The following CCDC40 variants were observed in gnomAD, a reference collection of about 807,000 sequenced individuals.
The protein encoded by CCDC40 is coiled-coil domain-containing protein 40.
A neutral mutation model predicts 124.5 loss-of-function variants in CCDC40; 104 were observed. The observed-to-expected ratio is 0.84, with a 90% CI of 0.71 to 0.98. CCDC40 has a LOEUF of 0.98. Among genes scored for constraint, CCDC40 ranks in the 50% least tolerant of loss-of-function variants. The pLI, the probability that CCDC40 is intolerant of heterozygous loss-of-function variation, is 0.00. For missense variants in CCDC40, 1,463 were observed against 1,503.9 expected (o/e 0.97, Z 0.45); for synonymous variants, 580 against 602.9 (o/e 0.96, Z 0.56).
chr17:80,067,801 AAGTCCCCTGAC>A (rs2038086593), intron 10 of CCDC40: 1 of 1,453,306 alleles, frequency 6.9e-7, no homozygotes, highest in African/African-American at 1.4e-5. Flanking sequence ...CGGTGTTTCA[AAGTCCCCTGAC>A]AGCTCAGCAT....
chr17:80,088,750 T>C (rs1051091167), intron 16 of CCDC40, among the ~76,000 whole-genome samples: 1 of 152,166 alleles, frequency 6.6e-6, no homozygotes, highest in African/African-American at 2.4e-5. Flanking sequence ...AAGGCTGCAG[T>C]GAGCTAGGAT....
At chr17:80,037,690 G>GGTATATATATATATATATAT (rs2037139617) in intron 1 of CCDC40, among the ~76,000 whole-genome samples, 1 of 92,084 alleles carries the variant, frequency 1.1e-5, no homozygotes. Flanking sequence ...TTTTAAAAAA[G>GGTATATATATATATATATAT]ATATACATAT....
At chr17:80,044,738 T>G (rs1302201154) in intron 3 of CCDC40, among the ~76,000 whole-genome samples, 1 of 139,030 alleles carries the variant, frequency 7.2e-6, no homozygotes, top group Admixed American at 7.0e-5. Flanking sequence ...TATATATATA[T>G]CTCAACAACA....
chr17:80,070,191 A>T (rs1265626795), intron 10 of CCDC40, among the ~76,000 whole-genome samples: 1 of 152,164 alleles, frequency 6.6e-6, no homozygotes, highest in African/African-American at 2.4e-5. Context: ...TAGCCTGGGG[A>T]TCTGGCAGGT....
chr17:80,037,933 C>G (rs929846432), intron 1 of CCDC40, 190 bp from the exon 2 acceptor site: 1 of 550,864 alleles, frequency 1.8e-6, no homozygotes, highest in African/African-American at 1.9e-5. Flanking sequence ...GCTTTTGTGG[C>G]ATCTCCGCCA....
intron 16 of CCDC40, among the ~76,000 whole-genome samples, chr17:80,089,104 G>C (rs1419120099): frequency 1.3e-5 from 2 of 152,210 alleles, no homozygotes; most frequent in Admixed American, 1.3e-4. Context: ...AAACCAATGT[G>C]TAGCTATATT....
At chr17:80,069,174 C>G (rs1032734046) in intron 10 of CCDC40, among the ~76,000 whole-genome samples, 1 of 152,066 alleles carries the variant, frequency 6.6e-6, no homozygotes, top group African/African-American at 2.4e-5. Flanking sequence ...GCCTTTGTGT[C>G]TCTCTTCGTC....
intron 9 of CCDC40, among the ~76,000 whole-genome samples, chr17:80,063,463 T>C (rs1258113681): frequency 6.6e-6 from 1 of 152,164 alleles, no homozygotes; most frequent in Non-Finnish European, 1.5e-5. Flanking sequence ...TCAACCAGGC[T>C]GTGGCCGGCA....
intron 10 of CCDC40, chr17:80,065,958 T>C (rs1167507270): frequency 1.6e-6 from 1 of 622,766 alleles, no homozygotes; most frequent in Non-Finnish European, 2.9e-6. Flanking sequence ...CCATCCCTTC[T>C]CGATTGTTCT....
chr17:80,069,771 GAA>G (rs200167383), intron 10 of CCDC40, among the ~76,000 whole-genome samples: 1 of 146,214 alleles, frequency 6.8e-6, no homozygotes, highest in African/African-American at 2.5e-5. Context: ...GAAAGAAAAA[GAA>G]AAAAAAGAGA....
chr17:80,077,406 C>G lies in CCDC40; in HGVS notation c.1563-4140C>G, dbSNP rs569361069. Among the ~76,000 whole-genome samples the G allele has an allele frequency of 1.1e-4, 16 of 152,186 alleles. No individual in the cohort carries two copies. In the South Asian group the frequency reaches 3.3e-3, roughly 32 times the overall value. On this transcript the variant is annotated intron_variant, in intron 10 of 19. Coordinates refer to ENST00000397545, the MANE Select transcript of CCDC40 (RefSeq NM_017950.4). ...GGTATGGTGGTGCATGCCTGTAATC[C>G]CAGCTACTTGGGTGGCTGAGGCAGG... is the stretch of plus-strand genomic sequence containing the variant.
At chr17:80,048,242 A>G (rs2037481687) in intron 4 of CCDC40, 1 of 348,508 alleles carries the variant, frequency 2.9e-6, no homozygotes, top group African/African-American at 2.1e-5. Flanking sequence ...CCTGGGCAAC[A>G]GAGCAAGACT....
intron 12 of CCDC40, among the ~76,000 whole-genome samples, 195 bp downstream of exon 12, chr17:80,082,253 G>GGTGGCTCATGCTTGTA (rs773010492): frequency 7.8e-6 from 1 of 128,338 alleles, no homozygotes; most frequent in African/African-American, 3.0e-5. Context: ...GGCCAGGCGT[G>GGTGGCTCATGCTTGTA]AGCCACCGCA....
At chr17:80,041,995 GA>G (rs2037294877) in intron 3 of CCDC40, among the ~76,000 whole-genome samples, 1 of 152,128 alleles carries the variant, frequency 6.6e-6, no homozygotes, top group African/African-American at 2.4e-5. Flanking sequence ...TTTAAGATAG[GA>G]AGGCGAATAC....
intron 10 of CCDC40, chr17:80,067,842 G>A (rs1160459359): frequency 7.1e-7 from 1 of 1,405,160 alleles, no homozygotes; most frequent in African/African-American, 1.4e-5. Context: ...CTTCAGGACT[G>A]TGCCAATCCG....
rs558533058 is a variant in CCDC40, at chr17:80,086,736, G to A, written c.2449+520G>A. 6.0e-5 allele frequency: 11 copies of A among 182,708 alleles called. No individual in the cohort carries two copies. The highest frequency in any genetic ancestry group is 1.3e-4 in the Non-Finnish European group (11 of 86,550). The allele number at this position is 182,708 out of a possible 1,614,324, so 11.3% of individuals were successfully genotyped here. A position where few individuals can be genotyped will look rare whatever the true frequency, so the allele number is the denominator to read the frequency against. On this transcript the variant is annotated intron_variant, in intron 14 of 19. Coordinates refer to ENST00000397545, the MANE Select transcript of CCDC40 (RefSeq NM_017950.4). The surrounding 1 kb of genome is among the most constrained non-coding windows in gnomAD (Gnocchi z 5.5). ...CTCCACCCACATGTCCACCTGCCGA[G>A]ACATCCCGGGTCCTGCCCGGTCTTG...
intron 12 of CCDC40, 129 bp from the exon 13 acceptor site, chr17:80,084,614 C>A: frequency 9.1e-7 from 1 of 1,099,990 alleles, no homozygotes; most frequent in Non-Finnish European, 1.3e-6. Flanking sequence ...CAGCCTCCTG[C>A]ACTCGTGACT....
At chr17:80,077,551 G>A (rs1450886523) in intron 10 of CCDC40, among the ~76,000 whole-genome samples, 4 of 152,220 alleles carry the variant, frequency 2.6e-5, no homozygotes, top group Non-Finnish European at 5.9e-5. Context: ...AGCTGCTGCG[G>A]TGTTTTCCCA....
At chr17:80,097,558 C>T in intron 19 of CCDC40, 155 bp downstream of exon 19, 1 of 695,676 alleles carries the variant, frequency 1.4e-6, no homozygotes, top group Non-Finnish European at 2.4e-6. Flanking sequence ...CGGCTGCTCA[C>T]ATGTTTGTGG....
Sources: gnomAD v4.1 joint callset for allele counts (sites outside exome capture counted in the v4.1 genomes callset) on GRCh38, gnomAD v4.1.1 for gene constraint, Gnocchi (gnomAD v3.1) non-coding constraint, MANE v1.5 for transcripts, NCBI Gene and HGNC (gene_info 2026-07-23, HGNC 2026-07-21) for gene names.